ABAT: variants seen among roughly 807,000 people sequenced by gnomAD.
ABAT encodes the protein 4-aminobutyrate aminotransferase, also known as 4-aminobutyrate aminotransferase, mitochondrial.
ABAT carries 45 observed loss-of-function variants against 64.6 expected under a neutral mutation model. The ratio of observed to expected loss-of-function variants is 0.70; its 90% CI spans 0.55 to 0.89. The LOEUF is 0.89. Ranked by LOEUF, ABAT falls within the 40% of genes least tolerant of loss-of-function variation. The pLI, the probability that ABAT is intolerant of heterozygous loss-of-function variation, is 0.00. For missense variants in ABAT, 633 were observed against 658.4 expected, an observed-to-expected ratio of 0.96 and a Z score of 0.42; for synonymous variants, 297 against 250.5, an observed-to-expected ratio of 1.19 and a Z score of -1.75.
rs982759577 is a variant in ABAT at position 8,695,906 on chromosome 16, C to T, written c.-42+21195C>T. Among the ~76,000 whole-genome samples the T allele has an allele frequency of 3.3e-5, 5 of 152,126 alleles. No homozygotes were observed. The South Asian group carries it at 6.2e-4, about 19-fold the overall frequency. ...TTAAACAATGCACAGAACCTTAGAACCTGGGACTATGAGGGATCTCTGAGC... is the reference window on the plus strand; with the variant it reads ...TTAAACAATGCACAGAACCTTAGAATCTGGGACTATGAGGGATCTCTGAGC... On this transcript the variant is annotated intron_variant, in intron 1 of 15. Transcript: ENST00000268251.
chr16:8,779,675 A>G, intron 15 of ABAT, 85 bp downstream of exon 15: 1 of 1,134,646 alleles, frequency 8.8e-7, no homozygotes, highest in Non-Finnish European at 1.3e-6. Context: ...GTACTCAGCA[A>G]TATTTTGTGT....
intron 2 of ABAT, chr16:8,736,550 G>C (rs1020262585): frequency 6.6e-6 from 1 of 152,370 alleles, no homozygotes; most frequent in Non-Finnish European, 1.5e-5. Flanking sequence ...CTCTGAAATT[G>C]ACCTAGAGCC....
chr16:8,742,779 T>G (rs531555738), intron 2 of ABAT, among the ~76,000 whole-genome samples: 1 of 150,404 alleles, frequency 6.6e-6, no homozygotes, highest in Non-Finnish European at 1.5e-5. Context: ...GGTGAGAGGA[T>G]TGCTTGAAAC....
intron 1 of ABAT, among the ~76,000 whole-genome samples, chr16:8,704,065 A>C (rs150098537): frequency 6.6e-6 from 1 of 152,186 alleles, no homozygotes; most frequent in African/African-American, 2.4e-5. Context: ...TTCTTCCACT[A>C]TCTTGGGATG....
intron 1 of ABAT, among the ~76,000 whole-genome samples, chr16:8,689,283 T>A (rs562181180): frequency 2.0e-4 from 31 of 152,286 alleles, no homozygotes; most frequent in African/African-American, 7.2e-4. Context: ...TTGTCAAAAA[T>A]CAAGTGTCCA....
chr16:8,692,762 C>CG (rs1209313334), intron 1 of ABAT, among the ~76,000 whole-genome samples: 3 of 152,164 alleles, frequency 2.0e-5, no homozygotes, highest in African/African-American at 7.2e-5. Flanking sequence ...GCCCTTTGTG[C>CG]GGGGGTTCGG....
At chr16:8,765,914 A>G (rs1472709390) in intron 8 of ABAT, 4 of 387,458 alleles carry the variant, frequency 1.0e-5, no homozygotes, top group Non-Finnish European at 1.5e-5. Flanking sequence ...TTGAGCCCGC[A>G]CATCTGGCCT....
At chr16:8,731,320 C>G (rs2058712823) in intron 1 of ABAT, 2 of 152,186 alleles carry the variant, frequency 1.3e-5, no homozygotes, top group Admixed American at 6.5e-5. Flanking sequence ...GAACACAGGT[C>G]AGTGATAAAC....
intron 1 of ABAT, among the ~76,000 whole-genome samples, chr16:8,695,875 G>A (rs117229960): frequency 0.022 from 3,313 of 152,204 alleles, 51 homozygotes; most frequent in Non-Finnish European, 0.03. Context: ...CCGAGGGAGT[G>A]GATAATTAAA....
At chr16:8,770,228 C>G (rs1402945339) in intron 11 of ABAT, among the ~76,000 whole-genome samples, 1 of 152,022 alleles carries the variant, frequency 6.6e-6, no homozygotes, top group Non-Finnish European at 1.5e-5. Flanking sequence ...AGCTCCGCCT[C>G]CTGGGTTCAT....
intron 1 of ABAT, among the ~76,000 whole-genome samples, chr16:8,699,321 TTA>T (rs1491511526): frequency 6.7e-6 from 1 of 150,224 alleles, no homozygotes; most frequent in Non-Finnish European, 1.5e-5. Flanking sequence ...TTGCAGGGAA[TTA>T]TTTTTTTTAA....
chr16:8,719,732 G>A (rs1490439767), intron 1 of ABAT, among the ~76,000 whole-genome samples: 1 of 152,062 alleles, frequency 6.6e-6, no homozygotes. Context: ...GTCTCTCCCT[G>A]TCTAAAAAAA....
chr16:8,743,544 ATATAT>A (rs2059237010), intron 2 of ABAT, among the ~76,000 whole-genome samples: 2 of 132,742 alleles, frequency 1.5e-5, no homozygotes, highest in South Asian at 4.3e-4. Context: ...TTTAGTTATA[ATATAT>A]TATGTAATAT....
In ABAT at chr16:8,706,404, C is replaced by CAAAA. The variant is rs56329419; in HGVS notation, c.-41-29279_-41-29276dup. Reference sequence around the variant, plus strand: ...TGGGCAACAGAGTGAGACCCTGTTTCAAAAAAAAAAAAAAAAAAAGAAAAG... The same window carrying CAAAA: ...TGGGCAACAGAGTGAGACCCTGTTTCAAAAAAAAAAAAAAAAAAAAAAAGAAAAG... On this transcript the variant is annotated intron_variant, in intron 1 of 15. Transcript: ENST00000268251. 8.4e-5 allele frequency among the ~76,000 whole-genome samples: 8 copies of CAAAA among 95,054 alleles called. 1 individual carries two copies. Among genetic ancestry groups the CAAAA allele is most frequent in the Admixed American group, 3.6e-4 (3 of 8,352 alleles). The allele number at this position is 95,054 out of a possible 152,430, so 62.4% of individuals were successfully genotyped here. A position where few individuals can be genotyped will look rare whatever the true frequency, so the allele number is the denominator to read the frequency against.
chr16:8,735,781 C>G lies in ABAT; in HGVS notation c.42C>G (p.Phe14Leu), dbSNP rs1567293995. 9.3e-6 allele frequency: 15 copies of G among 1,607,916 alleles called. No homozygotes were observed. The highest frequency in any genetic ancestry group is 1.3e-5 in the African/African-American group (1 of 75,008). ...TCGCCCAGCGCCTGGCCTGCAGCTTCCAGCACAGCTACCGCCTGCTGGTGC... is the reference window on the plus strand; with the variant it reads ...TCGCCCAGCGCCTGGCCTGCAGCTTGCAGCACAGCTACCGCCTGCTGGTGC... ...MLLAQRLACS[F>L]QHSYRLLVPG... The change falls in exon 2 of 16, where the codon TTC (phenylalanine) becomes TTG (leucine). Residue 14 changes from phenylalanine (F) to leucine (L), a missense_variant. Coordinates refer to ENST00000268251, the MANE Select transcript of ABAT (RefSeq NM_020686.6).
chr16:8,696,993 A>G (rs777197280), intron 1 of ABAT, among the ~76,000 whole-genome samples: 13 of 152,312 alleles, frequency 8.5e-5, no homozygotes, highest in Non-Finnish European at 1.6e-4. Flanking sequence ...CTGTGAAATC[A>G]AGGAGAACAA....
chr16:8,713,598 T>C (rs1179766737), intron 1 of ABAT: 1 of 304,410 alleles, frequency 3.3e-6, no homozygotes, highest in Non-Finnish European at 6.7e-6. Context: ...CCCTCTCCCT[T>C]GCGCACTTGC....
At chr16:8,746,181 C>A in intron 3 of ABAT, 83 bp downstream of exon 3, 1 of 1,007,420 alleles carries the variant, frequency 9.9e-7, no homozygotes, top group Non-Finnish European at 1.5e-6. Context: ...AGCTTAGGGA[C>A]CTGTATTGAT....
chr16:8,735,829 A>T lies in ABAT; in HGVS notation c.70+20A>T. On this transcript the variant is annotated intron_variant, in intron 2 of 15. Coordinates refer to ENST00000268251, the MANE Select transcript of ABAT (RefSeq NM_020686.6). ...TGCCTGGTAAGCCCCGGGGGTCTTG[A>T]TAAGAACTGGTACTAATGGAAGATA... 1 of 1,583,558 alleles carries T rather than the reference A, an allele frequency of 6.3e-7. No individual in the cohort carries two copies. Among genetic ancestry groups the T allele is most frequent in the Non-Finnish European group, 8.6e-7 (1 of 1,162,870 alleles).
Sources: gnomAD v4.1 joint callset for allele counts (sites outside exome capture counted in the v4.1 genomes callset) on GRCh38, gnomAD v4.1.1 for gene constraint, MANE v1.5 for transcripts, NCBI Gene and HGNC (gene_info 2026-07-23, HGNC 2026-07-21) for gene names.